The following C5orf58 variants were observed in gnomAD, a reference collection of about 807,000 sequenced individuals.
C5orf58 encodes chromosome 5 open reading frame 58.
In C5orf58, 2 loss-of-function variants were observed where a neutral mutation model predicts 2.9. That is an observed-to-expected ratio of 0.69 (90% CI 0.28 to 2.18). The LOEUF (loss-of-function observed/expected upper bound fraction) is 2.18. C5orf58 is among the 30% of genes most tolerant of loss of function. The pLI, the probability that C5orf58 is intolerant of heterozygous loss-of-function variation, is 0.13. For synonymous variants in C5orf58, 37 were observed against 33.4 expected, an observed-to-expected ratio of 1.11 and a Z score of -0.37; for missense variants, 96 against 91.7, an observed-to-expected ratio of 1.05 and a Z score of -0.19.
At chr5:170,238,858 T>C (rs977049894) in intron 3 of C5orf58, among the ~76,000 whole-genome samples, 1 of 151,890 alleles carries the variant, frequency 6.6e-6, no homozygotes, top group East Asian at 1.9e-4. Flanking sequence ...TTCAGACATA[T>C]AATTTTATTC....
chr5:170,238,603 C>T (rs1183109102), intron 3 of C5orf58, among the ~76,000 whole-genome samples: 5 of 152,084 alleles, frequency 3.3e-5, no homozygotes, highest in African/African-American at 1.2e-4. Context: ...AAGAGTCCAC[C>T]ACAGTGCATG....
chr5:170,242,414 CT>C (rs1341709914), intron 3 of C5orf58, among the ~76,000 whole-genome samples: 3 of 123,800 alleles, frequency 2.4e-5, no homozygotes, highest in African/African-American at 9.6e-5. Context: ...GTCCTGGACT[CT>C]TTTTGGTTGG....
At chr5:170,252,408 T>G (rs551836593), downstream of C5orf58, 5 of 1,331,378 alleles carry the variant, frequency 3.8e-6, no homozygotes, top group African/African-American at 7.2e-5. Context: ...TTTACAACTA[T>G]GTTAAAATAA....
At chr5:170,238,407 TA>T (rs1262348932) in intron 3 of C5orf58, among the ~76,000 whole-genome samples, 1 of 152,058 alleles carries the variant, frequency 6.6e-6, no homozygotes, top group African/African-American at 2.4e-5. Context: ...CTCTAGAGTG[TA>T]AACAAAACAA....
At chr5:170,250,083 G>A (rs966334683), downstream of C5orf58, among the ~76,000 whole-genome samples, 1 of 152,204 alleles carries the variant, frequency 6.6e-6, no homozygotes, top group South Asian at 2.1e-4. Flanking sequence ...TTCTGGACAT[G>A]TTTGATTCAG....
chr5:170,236,778 G>C (rs1760758772), intron 3 of C5orf58, among the ~76,000 whole-genome samples: 1 of 152,156 alleles, frequency 6.6e-6, no homozygotes, highest in Admixed American at 6.5e-5. Flanking sequence ...AACACACCAG[G>C]TTAACTGCTA....
intron 1 of C5orf58, chr5:170,233,873 G>T (rs1347895960): frequency 2.9e-6 from 1 of 350,194 alleles, no homozygotes; most frequent in African/African-American, 2.2e-5. Flanking sequence ...GTGGAGAGAG[G>T]CCACTGTCTT....
chr5:170,244,011 A>C, intron 3 of C5orf58, among the ~76,000 whole-genome samples: 1 of 149,894 alleles, frequency 6.7e-6, no homozygotes, highest in Non-Finnish European at 1.5e-5. Context: ...TTGTCTGTAA[A>C]GTATTTTATT....
intron 1 of C5orf58, chr5:170,233,801 G>A: frequency 3.3e-6 from 1 of 304,176 alleles, no homozygotes; most frequent in Non-Finnish European, 6.3e-6. Context: ...TTGTTGTGTA[G>A]CACCCCACTG....
chr5:170,245,304 G>T (rs1761215957), intron 3 of C5orf58, among the ~76,000 whole-genome samples: 2 of 152,244 alleles, frequency 1.3e-5, no homozygotes, highest in Admixed American at 6.5e-5. Flanking sequence ...GCTCCACCCA[G>T]TTCGAGCTTC....
chr5:170,247,438 G>A (rs1231414451), downstream of C5orf58: 3 of 152,220 alleles, frequency 2.0e-5, no homozygotes, highest in Non-Finnish European at 1.5e-5. Context: ...AAATGAAGCT[G>A]CAAGATACTC....
chr5:170,248,415 G>T (rs1761348002), downstream of C5orf58: 1 of 279,890 alleles, frequency 3.6e-6, no homozygotes, highest in Non-Finnish European at 6.8e-6. Flanking sequence ...TTTGAAATGG[G>T]CATTAAATAA....
downstream of C5orf58, among the ~76,000 whole-genome samples, chr5:170,250,075 C>T (rs553880365): frequency 7.2e-5 from 11 of 152,176 alleles, no homozygotes; most frequent in Non-Finnish European, 1.6e-4. Context: ...GTTTCTCATT[C>T]TGGACATGTT....
chr5:170,234,114 G>GT lies in C5orf58; in HGVS notation c.-78dup, dbSNP rs755756396. ...TATTAATGTCTGGGAAACAAAATTA[G>GT]TTTTTTTACAGTGGCTCTGAAATGA... On this transcript the variant is annotated splice_region_variant and 5_prime_UTR_variant. Coordinates refer to ENST00000593851, the MANE Select transcript of C5orf58 (RefSeq NM_001102609.3). 19 of 1,366,156 alleles carry GT rather than the reference G, an allele frequency of 1.4e-5. No homozygotes were observed. Among genetic ancestry groups the GT allele is most frequent in the Middle Eastern group, 2.1e-4 (1 of 4,782 alleles). The allele number at this position is 1,366,156 out of a possible 1,614,324, so 84.6% of individuals were successfully genotyped here.
intron 3 of C5orf58, among the ~76,000 whole-genome samples, chr5:170,236,770 C>A (rs559834882): frequency 2.6e-5 from 4 of 152,350 alleles, no homozygotes; most frequent in African/African-American, 9.6e-5. Flanking sequence ...CTACCTCCAA[C>A]ACACCAGGTT....
chr5:170,237,892 C>G (rs1760808964), intron 3 of C5orf58, among the ~76,000 whole-genome samples: 1 of 152,062 alleles, frequency 6.6e-6, no homozygotes, highest in Non-Finnish European at 1.5e-5. Flanking sequence ...TACAAGACCC[C>G]CAGTTTTTTT....
At chr5:170,251,713 TG>T (rs1561965447) in exon 3 of C5orf58, 1 of 453,796 alleles carries the variant, frequency 2.2e-6, no homozygotes, top group Non-Finnish European at 4.4e-6. Flanking sequence ...TTCACAGTCT[TG>T]GCTTCAAATT....
At chr5:170,247,291 A>G (rs1761320207), downstream of C5orf58, 1 of 152,224 alleles carries the variant, frequency 6.6e-6, no homozygotes, top group African/African-American at 2.4e-5. Flanking sequence ...GTTGTTAAGG[A>G]TGAGATTTTG....
At chr5:170,243,300 G>A (rs1447787413) in intron 3 of C5orf58, among the ~76,000 whole-genome samples, 1 of 140,344 alleles carries the variant, frequency 7.1e-6, no homozygotes, top group African/African-American at 2.7e-5. Context: ...AGGTCCGCTT[G>A]GTGCAGAGCT....
Sources: allele counts gnomAD v4.1 joint callset (sites outside exome capture counted in the v4.1 genomes callset), GRCh38; gene constraint gnomAD v4.1.1; transcripts MANE v1.5; gene names NCBI Gene and HGNC (gene_info 2026-07-23, HGNC 2026-07-21).